Variants in NPAS3 observed in about 807,000 individuals in gnomAD.
NPAS3 encodes neuronal PAS domain-containing protein 3.
In NPAS3, 14 loss-of-function variants were observed where a neutral mutation model predicts 73.1. The ratio of observed to expected loss-of-function variants is 0.19; its 90% CI spans 0.13 to 0.30. NPAS3 has a LOEUF of 0.30. NPAS3 is among the 10% of genes least tolerant of loss of function. NPAS3 has a pLI of 1.00. For synonymous variants in NPAS3, 620 were observed against 541.5 expected (o/e 1.14, Z -2.01); for missense variants, 1,096 against 1,250.0 (o/e 0.88, Z 1.86).
intron 3 of NPAS3, among the ~76,000 whole-genome samples, chr14:33,280,862 G>C (rs1355873549): frequency 6.6e-6 from 1 of 152,142 alleles, no homozygotes; most frequent in Non-Finnish European, 1.5e-5. Context: ...GAGATACTCT[G>C]CCCATCAAAG....
chr14:33,360,110 T>A (rs1273802834), intron 3 of NPAS3, among the ~76,000 whole-genome samples: 1 of 152,342 alleles, frequency 6.6e-6, no homozygotes, highest in East Asian at 1.9e-4. Flanking sequence ...GTGGACTGGA[T>A]CCTCGTCAGC....
rs555595055 is a variant in NPAS3 at position 33,555,221 on chromosome 14, T to C, written c.469-4900T>C. Reference sequence around the variant, plus strand: ...AAAATGTCTGTTTTACTGTTTCTTCTAAGATTGCGTTTCCCATCTGCTTTG... The same window carrying C: ...AAAATGTCTGTTTTACTGTTTCTTCCAAGATTGCGTTTCCCATCTGCTTTG... On this transcript the variant is annotated intron_variant, in intron 4 of 11. Coordinates refer to ENST00000356141, the Ensembl canonical transcript of NPAS3. Among the ~76,000 whole-genome samples the C allele has an allele frequency of 7.9e-5, 12 of 152,332 alleles. 1 individual carries two copies. The South Asian group carries it at 2.5e-3, about 32-fold the overall frequency.
chr14:33,118,704 G>A (rs560632921), intron 2 of NPAS3, among the ~76,000 whole-genome samples: 17 of 152,178 alleles, frequency 1.1e-4, no homozygotes, highest in African/African-American at 3.6e-4. Flanking sequence ...TATTTTTGGA[G>A]GGACTGGGAA....
chr14:33,344,845 G>T (rs982125148), intron 3 of NPAS3, among the ~76,000 whole-genome samples: 3 of 152,174 alleles, frequency 2.0e-5, no homozygotes, highest in African/African-American at 7.2e-5. Context: ...TTAATGCCAT[G>T]ATGCAAAGCC....
At chr14:33,475,542 T>G (rs576070928) in intron 4 of NPAS3, among the ~76,000 whole-genome samples, 1 of 111,042 alleles carries the variant, frequency 9.0e-6, no homozygotes, top group African/African-American at 4.4e-5. Flanking sequence ...TAGGAAGAAC[T>G]AAGATCTAAA....
chr14:33,676,169 T>C, intron 5 of NPAS3, 42 bp from the exon 6 acceptor site: 1 of 1,599,354 alleles, frequency 6.3e-7, no homozygotes, highest in Non-Finnish European at 8.6e-7. Context: ...TGGAGAAGCC[T>C]ATATAATGTC....
intron 6 of NPAS3, among the ~76,000 whole-genome samples, chr14:33,724,027 A>T (rs538663682): frequency 2.6e-5 from 4 of 152,298 alleles, no homozygotes; most frequent in African/African-American, 9.6e-5. Context: ...CTTCATTTTC[A>T]AAATCTCAAA....
chr14:33,622,810 A>G (rs148909406), intron 5 of NPAS3, among the ~76,000 whole-genome samples: 50 of 152,314 alleles, frequency 3.3e-4, no homozygotes, highest in African/African-American at 1.1e-3. Context: ...GGAAGTTGCT[A>G]TAAGGAAGAA....
At chr14:33,454,715 A>T (rs539518173) in intron 4 of NPAS3, among the ~76,000 whole-genome samples, 1 of 152,260 alleles carries the variant, frequency 6.6e-6, no homozygotes, top group East Asian at 1.9e-4. Context: ...CGGGAAATAA[A>T]CCGGGGAGTT....
rs538003332 is a variant in NPAS3, at chr14:33,645,875, G to T, written c.559-30336G>T. On this transcript the variant is annotated intron_variant, in intron 5 of 11. Coordinates refer to ENST00000356141, the Ensembl canonical transcript of NPAS3. ...CATGAAGCACTACATGAGTGCATGC[G>T]TCTCACATGTTCCTTCAACAGACCT... Among the ~76,000 whole-genome samples, 10 of 152,348 alleles carry T rather than the reference G, an allele frequency of 6.6e-5. No homozygotes were observed. The East Asian group carries it at 1.5e-3, about 23-fold the overall frequency.
intron 4 of NPAS3, among the ~76,000 whole-genome samples, chr14:33,435,236 T>C (rs1460262504): frequency 6.6e-6 from 1 of 152,098 alleles, no homozygotes; most frequent in Non-Finnish European, 1.5e-5. Flanking sequence ...AGAGAATAGA[T>C]CAAAGGGCAA....
At position 33,544,814 on chromosome 14, in the gene NPAS3, A is replaced by G. The variant is rs1391234247; in HGVS notation, c.469-15307A>G. 9.3e-4 allele frequency among the ~76,000 whole-genome samples: 96 copies of G among 103,200 alleles called. 3 individuals carry two copies. Among genetic ancestry groups the G allele is most frequent in the African/African-American group, 4.7e-3 (89 of 18,814 alleles). 67.7% of individuals were successfully genotyped at this position (103,200 alleles called of 152,430 possible). On this transcript the variant is annotated intron_variant, in intron 4 of 11. Transcript: ENST00000356141. ...TATATATATATATATATATATATGT[A>G]TATATAATATATATGTGTATATATA... is the stretch of plus-strand genomic sequence containing the variant.
At position 33,635,456 on chromosome 14, in the gene NPAS3, T is replaced by C. The variant is rs147876653; in HGVS notation, c.559-40755T>C. 3.9e-4 allele frequency among the ~76,000 whole-genome samples: 59 copies of C among 152,238 alleles called. 1 individual carries two copies. The highest frequency in any genetic ancestry group is 1.4e-3 in the African/African-American group (59 of 41,548). Reference sequence around the variant, plus strand: ...GGAATTTTAGACTAGAAGAGAGGTATCATTTCGAGATGTAAAAGCCTTGGG... The same window carrying C: ...GGAATTTTAGACTAGAAGAGAGGTACCATTTCGAGATGTAAAAGCCTTGGG... On this transcript the variant is annotated intron_variant, in intron 5 of 11. Transcript: ENST00000356141.
intron 5 of NPAS3, among the ~76,000 whole-genome samples, chr14:33,611,641 A>G (rs1378402463): frequency 6.6e-6 from 1 of 152,144 alleles, no homozygotes; most frequent in Non-Finnish European, 1.5e-5. Context: ...TTGAATACAT[A>G]TTTTCCAGTT....
At chr14:33,801,131 G>C (rs755532051), downstream of NPAS3, 3 of 1,556,368 alleles carry the variant, frequency 1.9e-6, no homozygotes, top group East Asian at 2.4e-5. Context: ...TCCTGGGCCC[G>C]GCCAGGCCCC....
chr14:33,681,905 G>A (rs1377417288), intron 6 of NPAS3, among the ~76,000 whole-genome samples: 1 of 151,860 alleles, frequency 6.6e-6, no homozygotes, highest in Admixed American at 6.6e-5. Flanking sequence ...TAGTCGAGTG[G>A]TATGCTACTT....
chr14:33,547,095 G>A (rs2054881771), intron 4 of NPAS3, among the ~76,000 whole-genome samples: 1 of 152,134 alleles, frequency 6.6e-6, no homozygotes, highest in African/African-American at 2.4e-5. Context: ...AAAGACTTAA[G>A]GTTGTGTTTG....
At chr14:33,599,658 T>A (rs556326759) in intron 5 of NPAS3, among the ~76,000 whole-genome samples, 1 of 152,324 alleles carries the variant, frequency 6.6e-6, no homozygotes, top group African/African-American at 2.4e-5. Flanking sequence ...ACTAAATGGA[T>A]ATTAGCGTGA....
At chr14:32,938,734 CG>C (rs1214354693), upstream of NPAS3, among the ~76,000 whole-genome samples, 3 of 147,024 alleles carry the variant, frequency 2.0e-5, no homozygotes, top group Admixed American at 2.0e-4. Flanking sequence ...AAAGGGGTGA[CG>C]GGGGACGGGG....
Sources: allele counts gnomAD v4.1 joint callset (sites outside exome capture counted in the v4.1 genomes callset), GRCh38; gene constraint gnomAD v4.1.1; transcripts MANE v1.5; gene names NCBI Gene and HGNC (gene_info 2026-07-23, HGNC 2026-07-21).